GRHL2: variants seen among roughly 807,000 people sequenced by gnomAD.
GRHL2 encodes the protein grainyhead-like protein 2 homolog.
GRHL2 carries 21 observed loss-of-function variants against 83.8 expected under a neutral mutation model. The observed-to-expected ratio is 0.25, with a 90% CI of 0.18 to 0.36. The LOEUF (loss-of-function observed/expected upper bound fraction) is 0.36, where lower values mean the gene tolerates loss of function less well. Among genes scored for constraint, GRHL2 ranks in the 10% least tolerant of loss-of-function variants. The pLI, the probability that GRHL2 is intolerant of heterozygous loss-of-function variation, is 1.00. For synonymous variants in GRHL2, 280 were observed against 278.9 expected, an observed-to-expected ratio of 1.00 and a Z score of -0.04; for missense variants, 623 against 781.8, an observed-to-expected ratio of 0.80 and a Z score of 2.42.
intron 15 of GRHL2, among the ~76,000 whole-genome samples, chr8:101,665,820 T>C (rs1475813088): frequency 6.6e-6 from 1 of 152,158 alleles, no homozygotes; most frequent in East Asian, 1.9e-4. Context: ...CAGTCAGTGG[T>C]TCATTCTCAA....
At chr8:101,672,208 G>A (rs530879568), downstream of GRHL2, among the ~76,000 whole-genome samples, 1 of 151,750 alleles carries the variant, frequency 6.6e-6, no homozygotes, top group African/African-American at 2.4e-5. Flanking sequence ...GATGGGGAAT[G>A]ACTTTGACGA....
In GRHL2 at chr8:101,608,735, T is replaced by TCACACA. The variant is rs72332231; in HGVS notation, c.1098+9622_1098+9627dup. ...ATTTGCTTTGTCTCTGCTCACTCTC[T>TCACACA]CACACACACACACACACACACACAC... On this transcript the variant is annotated intron_variant, in intron 8 of 15. Transcript: ENST00000646743. Among the ~76,000 whole-genome samples the TCACACA allele has an allele frequency of 3.0e-4, 43 of 144,776 alleles. 1 individual carries two copies. The highest frequency in any genetic ancestry group is 2.4e-3 in the East Asian group (12 of 4,958). 95.0% of individuals were successfully genotyped at this position (144,776 alleles called of 152,430 possible). A position where few individuals can be genotyped will look rare whatever the true frequency, so the allele number is the denominator to read the frequency against.
At chr8:101,674,347 AAG>A (rs201636620), downstream of GRHL2, among the ~76,000 whole-genome samples, 580 of 152,224 alleles carry the variant, frequency 3.8e-3, 8 homozygotes, top group East Asian at 0.057. Flanking sequence ...AAGAATCAAA[AAG>A]ATGTAATAAA....
intron 7 of GRHL2, among the ~76,000 whole-genome samples, chr8:101,583,895 C>T (rs1266640928): frequency 6.6e-6 from 1 of 152,200 alleles, no homozygotes; most frequent in Non-Finnish European, 1.5e-5. Flanking sequence ...TAACTTCTCC[C>T]TACAGAAGAG....
In GRHL2 at chr8:101,492,560, C is replaced by T. The variant is rs1194986092; in HGVS notation, c.-210C>T. 1.5e-6 allele frequency: 1 copy of T among 657,028 alleles called. No individual in the cohort carries two copies. Among genetic ancestry groups the T allele is most frequent in the Non-Finnish European group, 2.8e-6 (1 of 359,344 alleles). The allele number at this position is 657,028 out of a possible 1,614,324, so 40.7% of individuals were successfully genotyped here. A position where few individuals can be genotyped will look rare whatever the true frequency, so the allele number is the denominator to read the frequency against. ...CGAGCTCGGGCCCCATGTGAGGGGC[C>T]CCCCCTTATCCCACCTTTCCGGCTA... On this transcript the variant is annotated 5_prime_UTR_variant, in exon 1 of 16. Transcript: ENST00000646743.
chr8:101,609,420 C>T (rs1045466603), intron 8 of GRHL2, among the ~76,000 whole-genome samples: 6 of 150,952 alleles, frequency 4.0e-5, no homozygotes, highest in Admixed American at 3.9e-4. Context: ...TTCAGCCAGG[C>T]CTCCTGGCGA....
intron 1 of GRHL2, among the ~76,000 whole-genome samples, chr8:101,510,820 C>G (rs193263712): frequency 3.9e-5 from 6 of 152,202 alleles, no homozygotes; most frequent in African/African-American, 1.2e-4. Context: ...GTCGGCCGGG[C>G]GTGGTGGCTC....
At chr8:101,512,885 A>ATT (rs545030646) in intron 1 of GRHL2, among the ~76,000 whole-genome samples, 7 of 152,298 alleles carry the variant, frequency 4.6e-5, no homozygotes, top group African/African-American at 1.7e-4. Context: ...CGTAGGCTAA[A>ATT]GGTCTGAGAT....
chr8:101,584,950 G>A (rs1304130218), intron 7 of GRHL2, among the ~76,000 whole-genome samples: 3 of 152,074 alleles, frequency 2.0e-5, no homozygotes, highest in African/African-American at 7.3e-5. Context: ...CAGGTAGTCA[G>A]GTGGTCAGTT....
chr8:101,607,616 C>A (rs1452933906), intron 8 of GRHL2, among the ~76,000 whole-genome samples: 1 of 152,152 alleles, frequency 6.6e-6, no homozygotes, highest in Admixed American at 6.5e-5. Context: ...GAACATATCT[C>A]ATGGTCTGAA....
intron 4 of GRHL2, among the ~76,000 whole-genome samples, chr8:101,563,298 AG>A (rs1811643867): frequency 6.6e-6 from 1 of 152,208 alleles, no homozygotes; most frequent in Non-Finnish European, 1.5e-5. Flanking sequence ...CCATTGCTTA[AG>A]ACAGTGATTC....
At chr8:101,509,109 CCTTCCTTCCTTCCTT>C (rs1563555968) in intron 1 of GRHL2, among the ~76,000 whole-genome samples, 2 of 42,162 alleles carry the variant, frequency 4.7e-5, no homozygotes, top group African/African-American at 1.6e-4. Context: ...TTCTTTCTCT[CCTTCCTTCCTTCCTT>C]CCTTCCTTCC....
intron 8 of GRHL2, among the ~76,000 whole-genome samples, chr8:101,603,073 T>TAA (rs532530785): frequency 1.3e-5 from 2 of 149,806 alleles, no homozygotes; most frequent in East Asian, 3.9e-4. Context: ...TCAAGATGTT[T>TAA]AAAAAAAAAA....
At chr8:101,505,021 A>C (rs1282863406) in intron 1 of GRHL2, among the ~76,000 whole-genome samples, 6 of 152,150 alleles carry the variant, frequency 3.9e-5, no homozygotes. Context: ...CAACAAAAAA[A>C]AGGTGGAAAT....
chr8:101,500,791 A>G (rs1810212288), intron 1 of GRHL2, among the ~76,000 whole-genome samples: 1 of 152,304 alleles, frequency 6.6e-6, no homozygotes, highest in Middle Eastern at 3.4e-3. Context: ...GATTACAGGC[A>G]TGAACCACCA....
At chr8:101,531,814 G>T (rs1276032543) in intron 1 of GRHL2, among the ~76,000 whole-genome samples, 1 of 152,010 alleles carries the variant, frequency 6.6e-6, no homozygotes, top group Non-Finnish European at 1.5e-5. Flanking sequence ...GCTCCCGAGA[G>T]GGGGTGGGGG....
At position 101,577,779 on chromosome 8, in the gene GRHL2, C is replaced by G. The variant is rs79689983; in HGVS notation, c.1003+260C>G. On this transcript the variant is annotated intron_variant, in intron 7 of 15. Transcript: ENST00000646743. Reference sequence around the variant, plus strand: ...AGTCATATAGTTAGATTTGCAATGACCATTTCAATTCCTAAAACGTGTTTT... The same window carrying G: ...AGTCATATAGTTAGATTTGCAATGAGCATTTCAATTCCTAAAACGTGTTTT... 2.3e-3 allele frequency among the ~76,000 whole-genome samples: 345 copies of G among 152,304 alleles called. 5 individuals are homozygous for G. In the East Asian group the frequency reaches 0.056, roughly 25 times the overall value.
intron 4 of GRHL2, among the ~76,000 whole-genome samples, chr8:101,567,281 C>T (rs1811737148): frequency 6.6e-6 from 1 of 152,204 alleles, no homozygotes; most frequent in African/African-American, 2.4e-5. Context: ...TTCAAATTTA[C>T]AGATGCACTG....
At chr8:101,670,677 G>C (rs1423172880), downstream of GRHL2, among the ~76,000 whole-genome samples, 1 of 152,228 alleles carries the variant, frequency 6.6e-6, no homozygotes, top group Non-Finnish European at 1.5e-5. Flanking sequence ...TCCTGAGGCA[G>C]CCTCCCCCTT....
Sources: gnomAD v4.1 joint callset for allele counts (sites outside exome capture counted in the v4.1 genomes callset) on GRCh38, gnomAD v4.1.1 for gene constraint, MANE v1.5 for transcripts, NCBI Gene and HGNC (gene_info 2026-07-23, HGNC 2026-07-21) for gene names.